LUZP2: variants seen among roughly 807,000 people sequenced by gnomAD.
The protein encoded by LUZP2 is leucine zipper protein 2.
Under a neutral mutation model 51.6 loss-of-function variants are expected in LUZP2, and 52 were observed. That is an observed-to-expected ratio of 1.01 (90% CI 0.81 to 1.27). LUZP2 has a LOEUF of 1.27. Among genes scored for constraint, LUZP2 ranks in the 50% most tolerant of loss-of-function variants. The probability of loss-of-function intolerance (pLI) is 0.00; values close to 1 mark genes in which losing one functional copy is unlikely to be tolerated. For missense variants in LUZP2, 436 were observed against 395.4 expected, an observed-to-expected ratio of 1.10 and a Z score of -0.87; for synonymous variants, 154 against 137.3, an observed-to-expected ratio of 1.12 and a Z score of -0.85.
chr11:24,729,287 G>A lies in LUZP2; in HGVS notation c.180+1G>A, dbSNP rs766436171. On this transcript the variant is annotated splice_donor_variant, in intron 2 of 11. Transcript: ENST00000336930. LOFTEE classifies it high-confidence loss of function. ...TGATGGAATTAAAGTCAATCTTCAG[G>A]TGAGATGAGAACTCATTTTCCGAGC... is the stretch of plus-strand genomic sequence containing the variant. The A allele has an allele frequency of 2.7e-6, 4 of 1,505,892 alleles. No individual in the cohort carries two copies. The East Asian group carries it at 7.1e-5, about 27-fold the overall frequency. The allele number at this position is 1,505,892 out of a possible 1,614,324, so 93.3% of individuals were successfully genotyped here. A position where few individuals can be genotyped will look rare whatever the true frequency, so the allele number is the denominator to read the frequency against.
intron 7 of LUZP2, among the ~76,000 whole-genome samples, chr11:24,966,631 G>T (rs1855589486): frequency 6.8e-6 from 1 of 147,900 alleles, no homozygotes. Flanking sequence ...TATAATGGCT[G>T]ATATATTATA....
chr11:25,044,514 T>C lies in LUZP2; in HGVS notation c.766-5524T>C, dbSNP rs186097520. Among the ~76,000 whole-genome samples the C allele has an allele frequency of 2.6e-3, 402 of 152,130 alleles. 1 individual carries two copies. The highest frequency in any genetic ancestry group is 3.4e-3 in the Middle Eastern group (1 of 294). ...AGCAAGCAGTTCATTAATTAAATAT[T>C]ATGTGTTTGTATTTAAAAAATTAAC... On this transcript the variant is annotated intron_variant, in intron 9 of 11. Coordinates refer to ENST00000336930, the MANE Select transcript of LUZP2 (RefSeq NM_001009909.4).
chr11:24,858,267 C>T (rs1851629552), intron 5 of LUZP2, among the ~76,000 whole-genome samples: 1 of 152,048 alleles, frequency 6.6e-6, no homozygotes, highest in Non-Finnish European at 1.5e-5. Context: ...TGATCTAAGC[C>T]TTGTTCTCAT....
intron 10 of LUZP2, among the ~76,000 whole-genome samples, chr11:25,068,634 G>GA (rs1486208799): frequency 6.6e-6 from 1 of 151,958 alleles, no homozygotes; most frequent in East Asian, 1.9e-4. Context: ...GCTGTAGAGT[G>GA]CTGTTCATAA....
At chr11:24,971,731 C>T (rs1321260868) in intron 7 of LUZP2, among the ~76,000 whole-genome samples, 3 of 152,030 alleles carry the variant, frequency 2.0e-5, no homozygotes, top group Non-Finnish European at 4.4e-5. Context: ...AGTATTACAA[C>T]ATGGGATGGT....
At chr11:24,920,639 AG>A (rs1361144108) in intron 7 of LUZP2, among the ~76,000 whole-genome samples, 1 of 152,068 alleles carries the variant, frequency 6.6e-6, no homozygotes, top group Non-Finnish European at 1.5e-5. Context: ...GCAGCAATAC[AG>A]GTGAAACTGG....
At chr11:24,734,937 C>A (rs1237790378) in intron 3 of LUZP2, among the ~76,000 whole-genome samples, 1 of 151,774 alleles carries the variant, frequency 6.6e-6, no homozygotes, top group African/African-American at 2.4e-5. Flanking sequence ...ACTAGTGATC[C>A]CTAGAAGCCA....
chr11:24,735,769 G>A (rs187496517), intron 3 of LUZP2, among the ~76,000 whole-genome samples: 3 of 151,932 alleles, frequency 2.0e-5, no homozygotes, highest in Non-Finnish European at 4.4e-5. Flanking sequence ...GGTGTCACTC[G>A]AGCCAGGAAT....
intron 10 of LUZP2, 39 bp from the exon 11 acceptor site, chr11:25,077,290 T>G (rs908172621): frequency 1.1e-5 from 16 of 1,464,428 alleles, no homozygotes; most frequent in Non-Finnish European, 1.5e-5. Flanking sequence ...CTTTCTTTCT[T>G]TAACTTCATT....
At chr11:24,799,223 G>T (rs1042296011) in intron 5 of LUZP2, among the ~76,000 whole-genome samples, 7 of 152,136 alleles carry the variant, frequency 4.6e-5, no homozygotes, top group African/African-American at 1.4e-4. Context: ...GATTCCCACA[G>T]GTAGGAAAGT....
At chr11:24,687,096 A>AT (rs1387400935) in intron 1 of LUZP2, among the ~76,000 whole-genome samples, 1 of 152,158 alleles carries the variant, frequency 6.6e-6, no homozygotes, top group East Asian at 1.9e-4. Context: ...ATGCAGCTAA[A>AT]TTTGGTCTGT....
intron 8 of LUZP2, 126 bp downstream of exon 8, chr11:24,976,791 AAGAT>A (rs895593212): frequency 1.3e-5 from 7 of 524,608 alleles, no homozygotes; most frequent in African/African-American, 1.2e-4. Context: ...CTGTGTATAT[AAGAT>A]AGTTACAGAA....
intron 1 of LUZP2, among the ~76,000 whole-genome samples, chr11:24,530,424 T>TAC: frequency 6.6e-6 from 1 of 150,896 alleles, no homozygotes; most frequent in East Asian, 1.9e-4. Flanking sequence ...TATATATGTG[T>TAC]ACACACACAT....
intron 7 of LUZP2, among the ~76,000 whole-genome samples, chr11:24,962,858 T>C: frequency 1.3e-5 from 2 of 152,288 alleles, no homozygotes; most frequent in Middle Eastern, 6.8e-3. Flanking sequence ...GAGTTTCCAG[T>C]TTTTCTGCTC....
chr11:24,572,986 A>G (rs1166990839), intron 1 of LUZP2, among the ~76,000 whole-genome samples: 1 of 152,074 alleles, frequency 6.6e-6, no homozygotes, highest in African/African-American at 2.4e-5. Flanking sequence ...GTTAATTCCA[A>G]ATGAAAGGCT....
chr11:25,020,151 C>A (rs1252024307), intron 9 of LUZP2, among the ~76,000 whole-genome samples: 1 of 152,060 alleles, frequency 6.6e-6, no homozygotes, highest in Non-Finnish European at 1.5e-5. Context: ...TCACAGTAAC[C>A]TCCACTGTAA....
chr11:24,889,029 A>G (rs1163213228), intron 5 of LUZP2, among the ~76,000 whole-genome samples: 4 of 152,180 alleles, frequency 2.6e-5, no homozygotes, highest in African/African-American at 4.8e-5. Context: ...TTATAGCATT[A>G]TGAAAACACA....
chr11:24,789,129 T>C (rs1849334325), intron 5 of LUZP2, among the ~76,000 whole-genome samples: 1 of 152,218 alleles, frequency 6.6e-6, no homozygotes, highest in South Asian at 2.1e-4. Context: ...ATTACTCTGC[T>C]GTGTGCCCAG....
intron 1 of LUZP2, among the ~76,000 whole-genome samples, chr11:24,514,092 C>T (rs985230048): frequency 1.3e-5 from 2 of 152,128 alleles, no homozygotes; most frequent in African/African-American, 4.8e-5. Context: ...TACCCCTAAA[C>T]AGTGCCCATA....
Sources: allele counts gnomAD v4.1 joint callset (sites outside exome capture counted in the v4.1 genomes callset), GRCh38; gene constraint gnomAD v4.1.1; transcripts MANE v1.5; gene names NCBI Gene and HGNC (gene_info 2026-07-23, HGNC 2026-07-21).